DIP2C: variants seen among roughly 807,000 people sequenced by gnomAD.
The protein encoded by DIP2C is disco-interacting protein 2 homolog C.
DIP2C carries 33 observed loss-of-function variants against 192.4 expected under a neutral mutation model. That is an observed-to-expected ratio of 0.17 (90% confidence interval 0.13 to 0.23). The LOEUF is 0.23. DIP2C is among the 10% of genes least tolerant of loss of function. The pLI, the probability that DIP2C is intolerant of heterozygous loss-of-function variation, is 1.00. For synonymous variants in DIP2C, 979 were observed against 864.1 expected (o/e 1.13, Z -2.33); for missense variants, 1,537 against 2,110.1 (o/e 0.73, Z 5.32).
chr10:319,625 CTAA>C (rs1475384919), intron 31 of DIP2C, among the ~76,000 whole-genome samples: 1 of 152,158 alleles, frequency 6.6e-6, no homozygotes, highest in Non-Finnish European at 1.5e-5. Flanking sequence ...GTGACACCTT[CTAA>C]TAATACTAAG....
intron 1 of DIP2C, among the ~76,000 whole-genome samples, chr10:548,205 C>T (rs1848392138): frequency 1.3e-5 from 1 of 75,058 alleles, no homozygotes; most frequent in Non-Finnish European, 2.9e-5. Context: ...ACGAGTCTGC[C>T]CCACCCCCCC....
At chr10:637,588 G>A (rs983942620) in intron 1 of DIP2C, among the ~76,000 whole-genome samples, 3 of 152,194 alleles carry the variant, frequency 2.0e-5, no homozygotes, top group Non-Finnish European at 2.9e-5. Context: ...AGACCCTCAT[G>A]ACCTCCTCAC....
intron 9 of DIP2C, among the ~76,000 whole-genome samples, chr10:404,989 C>G (rs1964699544): frequency 6.6e-6 from 1 of 152,214 alleles, no homozygotes; most frequent in Non-Finnish European, 1.5e-5. Context: ...CACTGCTGTA[C>G]AACTTCTTCC....
At chr10:518,680 G>T (rs1038908411) in intron 1 of DIP2C, among the ~76,000 whole-genome samples, 2 of 152,190 alleles carry the variant, frequency 1.3e-5, no homozygotes, top group African/African-American at 4.8e-5. Context: ...CCAGAACTGT[G>T]AGAAACAAAT....
intron 3 of DIP2C, among the ~76,000 whole-genome samples, chr10:448,799 G>A (rs1968578438): frequency 3.5e-5 from 5 of 144,834 alleles, no homozygotes; most frequent in Admixed American, 2.7e-4. Context: ...CACACAGTGG[G>A]GCAGCAGGAC....
At position 525,719 on chromosome 10, in the gene DIP2C, C is replaced by T. The variant is rs545797920; in HGVS notation, c.86-39189G>A. ...TGGAGAAAGGAAGACAGGCCAGCCC[C>T]GTACACCCATCAGCACACCCACACC... On this transcript the variant is annotated intron_variant, in intron 1 of 36. Transcript: ENST00000280886. Among the ~76,000 whole-genome samples the T allele has an allele frequency of 7.9e-5, 12 of 152,292 alleles. No individual in the cohort carries two copies. In the South Asian group the frequency reaches 1.0e-3, roughly 13 times the overall value.
intron 1 of DIP2C, among the ~76,000 whole-genome samples, chr10:641,482 C>A (rs1588658905): frequency 6.6e-6 from 1 of 152,306 alleles, no homozygotes; most frequent in South Asian, 2.1e-4. Context: ...CCCCCACCAG[C>A]CCTCATGAAG....
intron 24 of DIP2C, among the ~76,000 whole-genome samples, chr10:352,070 G>A (rs1473949246): frequency 6.6e-6 from 1 of 152,230 alleles, no homozygotes; most frequent in African/African-American, 2.4e-5. Flanking sequence ...CTCATGCCAG[G>A]CCTGCCTGCA....
At chr10:569,075 A>T (rs1357754074) in intron 1 of DIP2C, among the ~76,000 whole-genome samples, 3 of 152,188 alleles carry the variant, frequency 2.0e-5, no homozygotes, top group Non-Finnish European at 4.4e-5. Flanking sequence ...GCTTTCAGGT[A>T]AGGTGCGGTC....
chr10:681,951 C>T (rs972898193), intron 1 of DIP2C, among the ~76,000 whole-genome samples: 1 of 152,232 alleles, frequency 6.6e-6, no homozygotes, highest in East Asian at 1.9e-4. Context: ...AACAGGGACC[C>T]AGAGACCAAG....
At chr10:663,145 G>A in intron 1 of DIP2C, 1 of 490,000 alleles carries the variant, frequency 2.0e-6, no homozygotes, top group South Asian at 4.2e-5. Context: ...CTCAGCATGG[G>A]TGAGTTTCTG....
intron 1 of DIP2C, among the ~76,000 whole-genome samples, chr10:678,254 C>T (rs2119063059): frequency 6.6e-6 from 1 of 152,240 alleles, no homozygotes; most frequent in African/African-American, 2.4e-5. Flanking sequence ...CCAGATATGC[C>T]CAGACTGGAA....
At chr10:569,963 C>G (rs138134507) in intron 1 of DIP2C, among the ~76,000 whole-genome samples, 25 of 152,320 alleles carry the variant, frequency 1.6e-4, no homozygotes, top group African/African-American at 5.8e-4. Context: ...GTCCTCTCAG[C>G]CTTCCCCCAT....
chr10:376,238 G>C (rs917819369), intron 17 of DIP2C, among the ~76,000 whole-genome samples: 1 of 152,244 alleles, frequency 6.6e-6, no homozygotes, highest in Non-Finnish European at 1.5e-5. Flanking sequence ...TGGGGACCCA[G>C]GCCGACCTCG....
intron 28 of DIP2C, among the ~76,000 whole-genome samples, chr10:341,964 C>A (rs752621348): frequency 2.6e-5 from 4 of 152,158 alleles, no homozygotes; most frequent in Non-Finnish European, 5.9e-5. Context: ...TTAGGACTGG[C>A]GACAACTGTC....
At chr10:657,757 C>G in intron 1 of DIP2C, among the ~76,000 whole-genome samples, 2 of 148,128 alleles carry the variant, frequency 1.4e-5, no homozygotes, top group Admixed American at 6.7e-5. Flanking sequence ...GGACCTGCCA[C>G]TGGACCTGAC....
intron 9 of DIP2C, among the ~76,000 whole-genome samples, chr10:399,991 C>T (rs1030231362): frequency 3.3e-5 from 5 of 152,140 alleles, no homozygotes; most frequent in Non-Finnish European, 7.3e-5. Flanking sequence ...TATCAGAGTT[C>T]TAAAAGTGTG....
In DIP2C at chr10:363,164, A is replaced by G. The variant is rs778775424; in HGVS notation, c.2592+33T>C. ...AGTAAGGAGGCCAGAAACAAGACAC[A>G]GGGGACCAGTGCCCAGGGCGAGGGA... On this transcript the variant is annotated intron_variant, in intron 21 of 36. Transcript: ENST00000280886. The surrounding 1 kb of genome is among the most constrained non-coding windows in gnomAD (Gnocchi z 5.4). 1.3e-6 allele frequency: 2 copies of G among 1,586,228 alleles called. No individual in the cohort carries two copies. The highest frequency in any genetic ancestry group is 8.6e-7 in the Non-Finnish European group (1 of 1,157,350).
intron 1 of DIP2C, among the ~76,000 whole-genome samples, chr10:509,052 G>C (rs555564000): frequency 2.0e-5 from 3 of 152,110 alleles, no homozygotes; most frequent in African/African-American, 7.2e-5. Flanking sequence ...GTCCTGAACC[G>C]GCCTGTTCCA....
Sources: gnomAD v4.1 joint callset for allele counts (sites outside exome capture counted in the v4.1 genomes callset) on GRCh38, gnomAD v4.1.1 for gene constraint, Gnocchi (gnomAD v3.1) non-coding constraint, MANE v1.5 for transcripts, NCBI Gene and HGNC (gene_info 2026-07-23, HGNC 2026-07-21) for gene names.